SH3GL2: variants seen among roughly 807,000 people sequenced by gnomAD.
SH3GL2 encodes the protein endophilin-A1.
A neutral mutation model predicts 46.0 loss-of-function variants in SH3GL2; 24 were observed. The ratio of observed to expected loss-of-function variants is 0.52; its 90% confidence interval spans 0.38 to 0.73. The LOEUF is 0.73. SH3GL2 is among the 30% of genes least tolerant of loss of function. The pLI is 0.00. For missense variants in SH3GL2, 413 were observed against 424.2 expected (o/e 0.97, Z 0.23); for synonymous variants, 196 against 147.1 (o/e 1.33, Z -2.40).
At chr9:17,670,592 C>T (rs1398180070) in intron 1 of SH3GL2, among the ~76,000 whole-genome samples, 1 of 152,138 alleles carries the variant, frequency 6.6e-6, no homozygotes, top group Non-Finnish European at 1.5e-5. Flanking sequence ...ATTTATCCTA[C>T]TTATAGGATT....
intron 1 of SH3GL2, among the ~76,000 whole-genome samples, chr9:17,645,632 G>A (rs747755068): frequency 1.5e-4 from 23 of 152,096 alleles, no homozygotes; most frequent in Non-Finnish European, 2.1e-4. Context: ...CATTTATGAA[G>A]TTTAGTTTGG....
At chr9:17,717,542 C>T (rs1247325537) in intron 1 of SH3GL2, among the ~76,000 whole-genome samples, 1 of 152,050 alleles carries the variant, frequency 6.6e-6, no homozygotes, top group Non-Finnish European at 1.5e-5. Context: ...AAAAAGGATT[C>T]CTGTATCTGT....
At chr9:17,669,930 G>T (rs1436722322) in intron 1 of SH3GL2, among the ~76,000 whole-genome samples, 2 of 152,036 alleles carry the variant, frequency 1.3e-5, no homozygotes, top group African/African-American at 4.8e-5. Flanking sequence ...TGCAGAAAGG[G>T]GTCCCAGAAA....
chr9:17,774,063 A>C (rs9406714), intron 3 of SH3GL2, among the ~76,000 whole-genome samples: 15,190 of 152,142 alleles, frequency 0.1, 848 homozygotes, highest in Non-Finnish European at 0.11. Context: ...ATACTATTGT[A>C]AATGGAATTA....
At chr9:17,650,904 C>G (rs1316722094) in intron 1 of SH3GL2, among the ~76,000 whole-genome samples, 3 of 152,178 alleles carry the variant, frequency 2.0e-5, no homozygotes, top group South Asian at 2.1e-4. Context: ...GTCCTTAATG[C>G]TAGAACAATA....
chr9:17,715,213 G>A (rs1384043944), intron 1 of SH3GL2, among the ~76,000 whole-genome samples: 1 of 145,532 alleles, frequency 6.9e-6, no homozygotes, highest in Admixed American at 6.8e-5. Context: ...TTTTTTAGAT[G>A]GGTTCTCACT....
chr9:17,638,865 C>G (rs1157646599), intron 1 of SH3GL2, among the ~76,000 whole-genome samples: 5 of 152,196 alleles, frequency 3.3e-5, no homozygotes, highest in South Asian at 2.1e-4. Flanking sequence ...TGACTTCTCT[C>G]CATTTCCCTG....
intron 6 of SH3GL2, among the ~76,000 whole-genome samples, chr9:17,790,788 C>T (rs1458261769): frequency 6.6e-6 from 1 of 152,102 alleles, no homozygotes; most frequent in African/African-American, 2.4e-5. Context: ...TACCATGTCG[C>T]CTCTCCGGGT....
chr9:17,618,872 C>G (rs1819066394), intron 1 of SH3GL2, among the ~76,000 whole-genome samples: 1 of 151,190 alleles, frequency 6.6e-6, no homozygotes, highest in African/African-American at 2.4e-5. Flanking sequence ...CATCTCCTTG[C>G]AAGAGAGAGA....
intron 3 of SH3GL2, 44 bp downstream of exon 3, chr9:17,761,553 T>A (rs1258735242): frequency 8.7e-7 from 1 of 1,146,040 alleles, no homozygotes; most frequent in East Asian, 2.3e-5. Context: ...TCGAGGTAAC[T>A]TTTAGTTTCT....
At chr9:17,674,016 C>T (rs1201752482) in intron 1 of SH3GL2, among the ~76,000 whole-genome samples, 5 of 152,054 alleles carry the variant, frequency 3.3e-5, no homozygotes, top group Non-Finnish European at 7.4e-5. Context: ...TCTTTGTTTC[C>T]CTCTTTCCTT....
At chr9:17,609,807 C>T (rs1401491583) in intron 1 of SH3GL2, among the ~76,000 whole-genome samples, 1 of 152,182 alleles carries the variant, frequency 6.6e-6, no homozygotes, top group Non-Finnish European at 1.5e-5. Context: ...CTACTCAGCT[C>T]ATGGCATCTG....
chr9:17,727,623 C>G (rs893008205), intron 1 of SH3GL2, among the ~76,000 whole-genome samples: 1 of 152,076 alleles, frequency 6.6e-6, no homozygotes, highest in African/African-American at 2.4e-5. Flanking sequence ...CCTGAAACAT[C>G]AGGGATTAAC....
intron 7 of SH3GL2, among the ~76,000 whole-genome samples, chr9:17,792,456 T>C (rs1018084033): frequency 6.6e-6 from 1 of 152,220 alleles, no homozygotes; most frequent in Non-Finnish European, 1.5e-5. Flanking sequence ...CTCCCTTGCA[T>C]ATCTCTTACA....
At chr9:17,716,418 TG>T (rs1821760873) in intron 1 of SH3GL2, among the ~76,000 whole-genome samples, 1 of 152,122 alleles carries the variant, frequency 6.6e-6, no homozygotes, top group African/African-American at 2.4e-5. Flanking sequence ...GAGCATCATT[TG>T]GTTTATAGCT....
At chr9:17,750,309 C>T (rs547366213) in intron 2 of SH3GL2, among the ~76,000 whole-genome samples, 2 of 151,962 alleles carry the variant, frequency 1.3e-5, no homozygotes, top group East Asian at 3.9e-4. Context: ...TCTGTATTCT[C>T]GGAGGTGCAA....
intron 1 of SH3GL2, among the ~76,000 whole-genome samples, chr9:17,632,796 G>A (rs1280467279): frequency 6.6e-6 from 1 of 152,170 alleles, no homozygotes; most frequent in Non-Finnish European, 1.5e-5. Context: ...TGCTCTCAAT[G>A]TGTCCCTGCT....
chr9:17,642,412 G>T (rs1012485563), intron 1 of SH3GL2, among the ~76,000 whole-genome samples: 31 of 152,142 alleles, frequency 2.0e-4, no homozygotes, highest in African/African-American at 7.5e-4. Flanking sequence ...TGGTGTTTTA[G>T]TCATGAAGGC....
chr9:17,581,269 A>T (rs1479039675), intron 1 of SH3GL2, among the ~76,000 whole-genome samples: 1 of 152,198 alleles, frequency 6.6e-6, no homozygotes, highest in Non-Finnish European at 1.5e-5. Flanking sequence ...AATAATTTAA[A>T]CTGCGTTAGG....
Sources: gnomAD v4.1 joint callset for allele counts (sites outside exome capture counted in the v4.1 genomes callset) on GRCh38, gnomAD v4.1.1 for gene constraint, MANE v1.5 for transcripts, NCBI Gene and HGNC (gene_info 2026-07-23, HGNC 2026-07-21) for gene names.